Variants in THSD4 observed in about 807,000 individuals in gnomAD.
THSD4 encodes the protein thrombospondin type 1 domain containing 4.
THSD4 carries 69 observed loss-of-function variants against 119.0 expected under a neutral mutation model. The observed-to-expected ratio is 0.58, with a 90% CI of 0.48 to 0.71. THSD4 has a LOEUF of 0.71. Among genes scored for constraint, THSD4 ranks in the 30% least tolerant of loss-of-function variants. The probability of loss-of-function intolerance (pLI) is 0.00; values close to 1 mark genes in which losing one functional copy is unlikely to be tolerated. For synonymous variants in THSD4, 524 were observed against 540.4 expected, an observed-to-expected ratio of 0.97 and a Z score of 0.42; for missense variants, 1,393 against 1,391.1, an observed-to-expected ratio of 1.00 and a Z score of -0.02.
At chr15:71,143,700 CTT>C (rs546375502) in intron 2 of THSD4, among the ~76,000 whole-genome samples, 2 of 100,732 alleles carry the variant, frequency 2.0e-5, no homozygotes, top group Non-Finnish European at 4.3e-5. Flanking sequence ...TTTTTTCTTT[CTT>C]TTTTTTTTTT....
chr15:71,567,585 A>G (rs2049265534), intron 7 of THSD4, among the ~76,000 whole-genome samples: 1 of 131,760 alleles, frequency 7.6e-6, no homozygotes, highest in South Asian at 2.8e-4. Context: ...CTCCTGGACA[A>G]GAACAAAGAC....
intron 3 of THSD4, among the ~76,000 whole-genome samples, chr15:71,162,819 A>G (rs2043259238): frequency 6.6e-6 from 1 of 151,716 alleles, no homozygotes; most frequent in Non-Finnish European, 1.5e-5. Flanking sequence ...TGTTCTTTTT[A>G]ATTCTTATTT....
chr15:71,242,559 C>G, intron 4 of THSD4, 90 bp from the exon 5 acceptor site: 5 of 1,396,870 alleles, frequency 3.6e-6, no homozygotes, highest in Non-Finnish European at 4.9e-6. Context: ...CCGTTCCTAC[C>G]TGGTCCTCTC....
At chr15:71,665,549 A>G (rs554641047) in intron 8 of THSD4, among the ~76,000 whole-genome samples, 12 of 152,270 alleles carry the variant, frequency 7.9e-5, no homozygotes, top group African/African-American at 2.4e-4. Flanking sequence ...TGCTTTTAGC[A>G]TCTTCATCAT....
intron 6 of THSD4, among the ~76,000 whole-genome samples, chr15:71,360,518 C>A (rs1419587547): frequency 6.6e-6 from 1 of 152,160 alleles, no homozygotes; most frequent in Non-Finnish European, 1.5e-5. Flanking sequence ...TTAAAAAAAT[C>A]CCTCTTAGCC....
chr15:71,594,794 C>T (rs1437770318), intron 7 of THSD4, among the ~76,000 whole-genome samples: 1 of 152,130 alleles, frequency 6.6e-6, no homozygotes, highest in Non-Finnish European at 1.5e-5. Flanking sequence ...TGGAGGACTT[C>T]CTAGTCAAGA....
chr15:71,370,444 CT>C (rs1220842666), intron 6 of THSD4, among the ~76,000 whole-genome samples: 1 of 152,184 alleles, frequency 6.6e-6, no homozygotes, highest in African/African-American at 2.4e-5. Context: ...CCTCTACATA[CT>C]GCTTTAAATG....
chr15:71,405,536 A>G (rs1276126116), intron 6 of THSD4, among the ~76,000 whole-genome samples: 1 of 152,234 alleles, frequency 6.6e-6, no homozygotes, highest in Non-Finnish European at 1.5e-5. Context: ...CTTAAGTTCT[A>G]TTCCATTGAT....
At chr15:71,695,502 A>ATGTGCATGTGTGTG (rs2052146402) in intron 8 of THSD4, among the ~76,000 whole-genome samples, 1 of 144,038 alleles carries the variant, frequency 6.9e-6, no homozygotes, top group Non-Finnish European at 1.5e-5. Flanking sequence ...GTGTGTGTGC[A>ATGTGCATGTGTGTG]TGTGTGTGTG....
chr15:71,655,294 C>G (rs921859706), intron 7 of THSD4, among the ~76,000 whole-genome samples: 1 of 152,150 alleles, frequency 6.6e-6, no homozygotes, highest in Non-Finnish European at 1.5e-5. Context: ...AATGTAGAAG[C>G]TGTATGAGGT....
At chr15:71,471,573 T>C (rs575584113) in intron 7 of THSD4, among the ~76,000 whole-genome samples, 1 of 151,856 alleles carries the variant, frequency 6.6e-6, no homozygotes, top group African/African-American at 2.4e-5. Context: ...TGTTTGTCTT[T>C]TGCAATGTGA....
At chr15:71,171,036 A>G (rs755459192) in intron 3 of THSD4, among the ~76,000 whole-genome samples, 2 of 152,220 alleles carry the variant, frequency 1.3e-5, no homozygotes, top group African/African-American at 2.4e-5. Flanking sequence ...TGAACAGAGC[A>G]TCAGTGAACT....
At chr15:71,773,105 G>A (rs1248241521) in intron 17 of THSD4, among the ~76,000 whole-genome samples, 1 of 148,992 alleles carries the variant, frequency 6.7e-6, no homozygotes, top group Middle Eastern at 3.3e-3. Flanking sequence ...GGAAGCTGAG[G>A]TAGGAGGATC....
rs1176099756 is a variant in THSD4 at position 71,134,269 on chromosome 15, G to A, written c.-79-7180G>A. Among the ~76,000 whole-genome samples, 6 of 152,358 alleles carry A rather than the reference G, an allele frequency of 3.9e-5. No homozygotes were observed. In the South Asian group the frequency reaches 6.2e-4, roughly 16 times the overall value. ...CAGCTGGAAATGTGACCGGGCCTGG[G>A]GCTCCAAGGTCAGCGTCCCTGAATA... On this transcript the variant is annotated intron_variant, in intron 1 of 17. Coordinates refer to ENST00000261862, the MANE Select transcript of THSD4 (RefSeq NM_024817.3).
At chr15:71,719,408 G>A (rs1278596038) in intron 8 of THSD4, among the ~76,000 whole-genome samples, 4 of 152,188 alleles carry the variant, frequency 2.6e-5, no homozygotes, top group Non-Finnish European at 4.4e-5. Flanking sequence ...ACCATAATTT[G>A]GACATTACAT....
chr15:71,756,656 C>G (rs2053544395), intron 14 of THSD4, among the ~76,000 whole-genome samples: 2 of 152,106 alleles, frequency 1.3e-5, no homozygotes, highest in Admixed American at 1.3e-4. Context: ...TGGTCGTGAG[C>G]ACCTGGAGCT....
At chr15:71,450,081 A>T (rs1254102722) in intron 7 of THSD4, among the ~76,000 whole-genome samples, 2 of 152,192 alleles carry the variant, frequency 1.3e-5, no homozygotes, top group Non-Finnish European at 2.9e-5. Flanking sequence ...GGAACAAGGG[A>T]AGGAGGGATT....
At chr15:71,435,995 G>A (rs1056889805) in intron 7 of THSD4, among the ~76,000 whole-genome samples, 1 of 152,156 alleles carries the variant, frequency 6.6e-6, no homozygotes, top group African/African-American at 2.4e-5. Context: ...GCTACTGGAC[G>A]TGACCTGAAA....
At chr15:71,515,404 G>A (rs2048344624) in intron 7 of THSD4, among the ~76,000 whole-genome samples, 1 of 152,146 alleles carries the variant, frequency 6.6e-6, no homozygotes, top group Non-Finnish European at 1.5e-5. Flanking sequence ...AATTGGAGGA[G>A]CCAGAAACAG....
Sources: gnomAD v4.1 joint callset for allele counts (sites outside exome capture counted in the v4.1 genomes callset) on GRCh38, gnomAD v4.1.1 for gene constraint, MANE v1.5 for transcripts, NCBI Gene and HGNC (gene_info 2026-07-23, HGNC 2026-07-21) for gene names.